The following GOLGA8A variants were observed in gnomAD, a reference collection of about 807,000 sequenced individuals.
GOLGA8A encodes golgin subfamily A member 8A.
A neutral mutation model predicts 22.1 loss-of-function variants in GOLGA8A; 3 were observed. The ratio of observed to expected loss-of-function variants is 0.14; its 90% CI spans 0.06 to 0.35. GOLGA8A has a LOEUF of 0.35. Ranked by LOEUF, GOLGA8A falls within the 10% of genes least tolerant of loss-of-function variation. The pLI is 1.00. For missense variants in GOLGA8A, 16 were observed against 233.2 expected (o/e 0.07, Z 6.07); for synonymous variants, 7 against 91.7 (o/e 0.08, Z 5.28).
chr15:34,428,286 G>C (rs1323507965), intron 2 of GOLGA8A, among the ~76,000 whole-genome samples: 1 of 147,474 alleles, frequency 6.8e-6, no homozygotes, highest in Non-Finnish European at 1.5e-5. Context: ...GTAGAGGTGA[G>C]GTCTCCCTGT....
chr15:34,429,919 T>C (rs1233324132), intron 2 of GOLGA8A, among the ~76,000 whole-genome samples: 1 of 147,842 alleles, frequency 6.8e-6, no homozygotes, highest in Non-Finnish European at 1.5e-5. Context: ...CCACCCTATG[T>C]GACAGATAAA....
chr15:34,437,794 C>G lies in GOLGA8A; in HGVS notation c.-1608G>C, dbSNP rs1893620368. 6.7e-6 allele frequency among the ~76,000 whole-genome samples: 1 copy of G among 148,914 alleles called. No individual in the cohort carries two copies. On this transcript the variant is annotated 5_prime_UTR_variant, in exon 1 of 25. Coordinates refer to ENST00000359187, the MANE Select transcript of GOLGA8A (RefSeq NM_181077.5). ...CGCACACCTCGACTGCTGATTAGCC[C>G]GACAGCTGAATAGCGGCGGGAGCCT...
chr15:34,398,223 C>T (rs1476497014), intron 8 of GOLGA8A, among the ~76,000 whole-genome samples: 1 of 129,876 alleles, frequency 7.7e-6, no homozygotes, highest in Non-Finnish European at 1.7e-5. Flanking sequence ...ATCCTTCTCC[C>T]CAATGGCTTG....
At chr15:34,417,577 G>A (rs1459480693) in intron 2 of GOLGA8A, 3 of 144,542 alleles carry the variant, frequency 2.1e-5, no homozygotes, top group African/African-American at 7.6e-5. Context: ...ATTACCTGAT[G>A]AAATTTTCCT....
Position 34,431,744 on chromosome 15 carries a change from C to T in GOLGA8A, c.-1123+3639G>A, listed in dbSNP as rs561530687. ...CGTACACTAGTGCAGACTTTATAGA[C>T]ATTGTATACCTAGGCTACATTTTAA... On this transcript the variant is annotated intron_variant, in intron 2 of 24. Transcript: ENST00000359187. 3.4e-5 allele frequency among the ~76,000 whole-genome samples: 5 copies of T among 148,564 alleles called. 1 individual carries two copies. The highest frequency in any genetic ancestry group is 7.5e-5 in the Non-Finnish European group (5 of 67,016).
intron 2 of GOLGA8A, among the ~76,000 whole-genome samples, chr15:34,431,143 T>G (rs796597677): frequency 2.2e-5 from 3 of 137,452 alleles, no homozygotes; most frequent in South Asian, 2.3e-4. Context: ...TCCAAGACAG[T>G]TGATAATCAA....
In GOLGA8A at chr15:34,379,910, C is replaced by G. The variant is rs552802321; in HGVS notation, c.*1501G>C. The G allele has an allele frequency of 2.0e-5, 3 of 152,694 alleles. No homozygotes were observed. Among genetic ancestry groups the G allele is most frequent in the Admixed American group, 2.0e-4 (3 of 15,302 alleles). 9.5% of individuals were successfully genotyped at this position (152,694 alleles called of 1,614,324 possible). ...TGTCCCTGACTGAAAATGAGAGGTA[C>G]AAAAACGTATTTCACTCTTCGTAAA... On this transcript the variant is annotated 3_prime_UTR_variant, in exon 25 of 25. Transcript: ENST00000359187.
rs1030431199 is a variant in GOLGA8A at position 34,435,188 on chromosome 15, C to T, written c.-1123+195G>A. On this transcript the variant is annotated intron_variant, in intron 2 of 24. Coordinates refer to ENST00000359187, the MANE Select transcript of GOLGA8A (RefSeq NM_181077.5). ...CCTGGAGGGGGCCTCTGCAGCCAGGCTCAACCCCCACTCTCCCCACTCCAA... is the reference window on the plus strand; with the variant it reads ...CCTGGAGGGGGCCTCTGCAGCCAGGTTCAACCCCCACTCTCCCCACTCCAA... 4.7e-5 allele frequency among the ~76,000 whole-genome samples: 7 copies of T among 149,294 alleles called. 1 individual carries two copies. The East Asian group carries it at 5.9e-4, about 13-fold the overall frequency.
chr15:34,386,262 C>T (rs555155740), intron 12 of GOLGA8A, among the ~76,000 whole-genome samples: 1 of 140,670 alleles, frequency 7.1e-6, no homozygotes, highest in Non-Finnish European at 1.5e-5. Flanking sequence ...TCTGGAAACA[C>T]GAGCCCAAAA....
chr15:34,430,476 C>G (rs3893819), intron 2 of GOLGA8A, among the ~76,000 whole-genome samples: 13,976 of 148,908 alleles, frequency 0.094, 1,744 homozygotes, highest in South Asian at 0.25. Flanking sequence ...AGCCATCAAT[C>G]TGACCCACTC....
At chr15:34,421,157 G>A (rs1352588769) in intron 2 of GOLGA8A, among the ~76,000 whole-genome samples, 1 of 143,134 alleles carries the variant, frequency 7.0e-6, no homozygotes, top group Non-Finnish European at 1.5e-5. Context: ...TCCTTGGGCT[G>A]TGGCTGGCCT....
chr15:34,387,330 TACC>T, intron 11 of GOLGA8A: 2 of 181,844 alleles, frequency 1.1e-5, no homozygotes, highest in Non-Finnish European at 1.0e-5. Flanking sequence ...AGTCAAACAA[TACC>T]ACCTCTATCA....
At chr15:34,420,228 C>T (rs76470017) in intron 2 of GOLGA8A, 4 of 146,078 alleles carry the variant, frequency 2.7e-5, no homozygotes, top group Admixed American at 1.4e-4. Context: ...TTTCCTCCAT[C>T]GGGTAACCAC....
rs1457737078 is a variant in GOLGA8A, at chr15:34,436,662, G to A, written c.-1212+736C>T. 2.0e-5 allele frequency among the ~76,000 whole-genome samples: 3 copies of A among 149,810 alleles called. 1 individual carries two copies. Among genetic ancestry groups the A allele is most frequent in the African/African-American group, 7.4e-5 (3 of 40,682 alleles). On this transcript the variant is annotated intron_variant, in intron 1 of 24. Transcript: ENST00000359187. ...TTCGCCCCTAGCCTGGGCTTACCAAGGCCCGCCGCCCGACCCATGGAGCCC... is the reference window on the plus strand; with the variant it reads ...TTCGCCCCTAGCCTGGGCTTACCAAAGCCCGCCGCCCGACCCATGGAGCCC...
intron 2 of GOLGA8A, among the ~76,000 whole-genome samples, chr15:34,429,195 T>C (rs1187450562): frequency 2.0e-5 from 3 of 147,734 alleles, no homozygotes; most frequent in Non-Finnish European, 4.5e-5. Context: ...CTCTGAACTG[T>C]CCACTAGGGA....
chr15:34,409,881 C>CGTGT (rs1441138142), intron 2 of GOLGA8A: 5 of 567,482 alleles, frequency 8.8e-6, no homozygotes, highest in Non-Finnish European at 3.1e-6. Flanking sequence ...ACTACGTGAA[C>CGTGT]GACACCTCTG....
Position 34,431,307 on chromosome 15 carries a change from A to C in GOLGA8A, c.-1123+4076T>G, listed in dbSNP as rs1252025033. Among the ~76,000 whole-genome samples the C allele has an allele frequency of 7.7e-3, 84 of 10,964 alleles. 9 individuals are homozygous for C. Among genetic ancestry groups the C allele is most frequent in the Non-Finnish European group, 3.2e-3 (13 of 4,094 alleles). 7.2% of individuals were successfully genotyped at this position (10,964 alleles called of 152,430 possible). ...GAAAAAAAATTATATATATATATATATATACATATATATATATATATATAT... is the reference window on the plus strand; with the variant it reads ...GAAAAAAAATTATATATATATATATCTATACATATATATATATATATATAT... On this transcript the variant is annotated intron_variant, in intron 2 of 24. Coordinates refer to ENST00000359187, the MANE Select transcript of GOLGA8A (RefSeq NM_181077.5).
In GOLGA8A at chr15:34,379,779, G is replaced by A. The variant is rs1181964068; in HGVS notation, c.*1632C>T. Reference sequence around the variant, plus strand: ...ATTAGAACTTCATGAAGTTTTAACTGTTGATTCTTTCCCAAGCATCATCAA... The same window carrying A: ...ATTAGAACTTCATGAAGTTTTAACTATTGATTCTTTCCCAAGCATCATCAA... On this transcript the variant is annotated 3_prime_UTR_variant, in exon 25 of 25. Coordinates refer to ENST00000359187, the MANE Select transcript of GOLGA8A (RefSeq NM_181077.5). 1.3e-5 allele frequency: 2 copies of A among 152,592 alleles called. No individual in the cohort carries two copies. The highest frequency in any genetic ancestry group is 6.5e-5 in the Admixed American group (1 of 15,282). 9.5% of individuals were successfully genotyped at this position (152,592 alleles called of 1,614,324 possible).
At chr15:34,418,527 C>T (rs1892666165) in intron 2 of GOLGA8A, 1 of 145,232 alleles carries the variant, frequency 6.9e-6, no homozygotes, top group Non-Finnish European at 1.5e-5. Context: ...TCTTTGGGGC[C>T]AGCTTTGAGC....
Sources: gnomAD v4.1 joint callset for allele counts (sites outside exome capture counted in the v4.1 genomes callset) on GRCh38, gnomAD v4.1.1 for gene constraint, MANE v1.5 for transcripts, NCBI Gene and HGNC (gene_info 2026-07-23, HGNC 2026-07-21) for gene names.